The following PMEPA1 variants were observed in gnomAD, a reference collection of about 807,000 sequenced individuals.
The protein encoded by PMEPA1 is prostate transmembrane protein, androgen induced 1, also known as protein TMEPAI.
Under a neutral mutation model 23.0 loss-of-function variants are expected in PMEPA1, and 11 were observed. The ratio of observed to expected loss-of-function variants is 0.48; its 90% CI spans 0.30 to 0.79. The LOEUF is 0.79. Ranked by LOEUF, PMEPA1 falls within the 30% of genes least tolerant of loss-of-function variation. The pLI is 0.06. For missense variants in PMEPA1, 377 were observed against 390.9 expected, an observed-to-expected ratio of 0.96 and a Z score of 0.30; for synonymous variants, 204 against 166.4, an observed-to-expected ratio of 1.23 and a Z score of -1.74.
intron 1 of PMEPA1, among the ~76,000 whole-genome samples, chr20:57,684,289 G>A (rs942775938): frequency 6.6e-6 from 1 of 151,830 alleles, no homozygotes; most frequent in Non-Finnish European, 1.5e-5. Flanking sequence ...GGAGTTAGGG[G>A]TCTAGCTGGG....
At chr20:57,659,798 G>T in intron 1 of PMEPA1, 101 bp from the exon 2 acceptor site, 2 of 1,112,284 alleles carry the variant, frequency 1.8e-6, no homozygotes, top group Non-Finnish European at 2.6e-6. Flanking sequence ...AGGGGGACGA[G>T]AGTGCAACCC....
intron 1 of PMEPA1, among the ~76,000 whole-genome samples, chr20:57,703,438 T>C (rs2072037876): frequency 6.6e-6 from 1 of 152,222 alleles, no homozygotes; most frequent in Non-Finnish European, 1.5e-5. Flanking sequence ...CAGGGCGGTG[T>C]TGACCTCACG....
intron 1 of PMEPA1, among the ~76,000 whole-genome samples, chr20:57,705,769 G>GAA (rs2072074943): frequency 1.1e-4 from 17 of 152,228 alleles, no homozygotes; most frequent in Admixed American, 1.1e-3. Flanking sequence ...TCAGTAGGGG[G>GAA]CATTTGACCA....
At chr20:57,690,056 G>A (rs1029936520) in intron 1 of PMEPA1, among the ~76,000 whole-genome samples, 8 of 152,228 alleles carry the variant, frequency 5.3e-5, no homozygotes, top group East Asian at 1.9e-4. Context: ...AGGAACTGTC[G>A]GTGTCACCCC....
At chr20:57,696,482 G>A (rs907106901) in intron 1 of PMEPA1, among the ~76,000 whole-genome samples, 2 of 152,212 alleles carry the variant, frequency 1.3e-5, no homozygotes, top group Admixed American at 1.3e-4. Context: ...CCTGGCAGGT[G>A]ACTTAGCTCC....
intron 1 of PMEPA1, among the ~76,000 whole-genome samples, chr20:57,679,894 A>G (rs1038521950): frequency 7.9e-5 from 12 of 152,302 alleles, no homozygotes; most frequent in African/African-American, 2.9e-4. Context: ...AGGGCCAGAG[A>G]GGGGGAGGGA....
At chr20:57,705,766 G>A (rs111568037) in intron 1 of PMEPA1, among the ~76,000 whole-genome samples, 293 of 152,290 alleles carry the variant, frequency 1.9e-3, no homozygotes, top group African/African-American at 6.3e-3. Context: ...GTCTCAGTAG[G>A]GGGCATTTGA....
chr20:57,654,488 C>T (rs758654451), intron 2 of PMEPA1, among the ~76,000 whole-genome samples: 29 of 152,060 alleles, frequency 1.9e-4, no homozygotes, highest in Non-Finnish European at 3.1e-4. Context: ...AAAACTGTCC[C>T]GTCAGGACCG....
chr20:57,675,605 G>A (rs1455247049), intron 1 of PMEPA1, among the ~76,000 whole-genome samples: 1 of 152,138 alleles, frequency 6.6e-6, no homozygotes, highest in Non-Finnish European at 1.5e-5. Context: ...TCTAGGAAAT[G>A]CTGCTGGCCA....
rs759328875 is a variant in PMEPA1, at chr20:57,652,437, G to A, written c.480C>T (p.Pro160=). 6.2e-7 allele frequency: 1 copy of A among 1,613,590 alleles called. No individual in the cohort carries two copies. Among genetic ancestry groups the A allele is most frequent in the East Asian group, 2.2e-5 (1 of 44,846 alleles). ...GCTGGAGGGTGCAGGGGCCCTGGTA[G>A]GGTGGGGGCTCCTCCCCGTCTGACA... ...ISLSDGEEPP[P]YQGPCTLQLR... Residue 160 remains proline (P), a synonymous_variant, in exon 4 of 4, where the codon CCC becomes CCT. Coordinates refer to ENST00000341744, the MANE Select transcript of PMEPA1 (RefSeq NM_020182.5). This position sits in a 1 kb window ranked among gnomAD's most constrained non-coding sequence, Gnocchi z 6.1.
intron 1 of PMEPA1, among the ~76,000 whole-genome samples, chr20:57,667,730 C>T (rs770474764): frequency 2.0e-5 from 3 of 152,210 alleles, no homozygotes; most frequent in Non-Finnish European, 4.4e-5. Context: ...GGATGAGACC[C>T]GCCTGGCGGG....
chr20:57,653,291 G>A (rs1446778847), intron 2 of PMEPA1, among the ~76,000 whole-genome samples: 3 of 152,152 alleles, frequency 2.0e-5, no homozygotes, highest in Non-Finnish European at 4.4e-5. Flanking sequence ...ACTGATCCCT[G>A]AGGTGCCCTC....
intron 2 of PMEPA1, among the ~76,000 whole-genome samples, chr20:57,653,552 G>A (rs1158602060): frequency 6.6e-6 from 1 of 152,238 alleles, no homozygotes; most frequent in Non-Finnish European, 1.5e-5. Context: ...TGAGATTACA[G>A]TACTTGCCTC....
chr20:57,678,558 C>T (rs540251447), intron 1 of PMEPA1, among the ~76,000 whole-genome samples: 19 of 152,294 alleles, frequency 1.2e-4, no homozygotes, highest in Admixed American at 7.8e-4. Flanking sequence ...TTCCCTCTCT[C>T]GCAGCCTCCC....
At chr20:57,708,408 A>AC (rs1419890890) in intron 1 of PMEPA1, among the ~76,000 whole-genome samples, 1 of 152,218 alleles carries the variant, frequency 6.6e-6, no homozygotes, top group Non-Finnish European at 1.5e-5. Flanking sequence ...TAGTGGTTCA[A>AC]TTCTCCACTC....
upstream of PMEPA1, chr20:57,710,246 G>T (rs1441761523): frequency 8.7e-6 from 5 of 572,874 alleles, no homozygotes; most frequent in Non-Finnish European, 1.4e-5. Flanking sequence ...GGTCAGCTTG[G>T]AACGCCTGCC....
At chr20:57,694,081 C>A (rs151062301) in intron 1 of PMEPA1, among the ~76,000 whole-genome samples, 1 of 152,236 alleles carries the variant, frequency 6.6e-6, no homozygotes, top group Non-Finnish European at 1.5e-5. Flanking sequence ...TTCCTGGGGG[C>A]AACATGACCC....
chr20:57,690,169 C>A (rs1205854536), intron 1 of PMEPA1, among the ~76,000 whole-genome samples: 3 of 152,236 alleles, frequency 2.0e-5, no homozygotes, highest in Admixed American at 2.0e-4. Context: ...CCATGTGGAA[C>A]CCTCCCTGCC....
In PMEPA1 at chr20:57,704,849, G is replaced by A. The variant is rs557500831; in HGVS notation, c.109+4625C>T. Among the ~76,000 whole-genome samples, 2 of 152,314 alleles carry A rather than the reference G, an allele frequency of 1.3e-5. No homozygotes were observed. The highest frequency in any genetic ancestry group is 1.3e-4 in the Admixed American group (2 of 15,306). ...TGGCGGGTGCATCTTGCAGCATGGA[G>A]GCTTCCTTGGGGCTCCTGAGGGAGG... On this transcript the variant is annotated intron_variant, in intron 1 of 3. Coordinates refer to ENST00000341744, the MANE Select transcript of PMEPA1 (RefSeq NM_020182.5). The surrounding 1 kb of genome is among the most constrained non-coding windows in gnomAD (Gnocchi z 4.6).
Sources: gnomAD v4.1 joint callset for allele counts (sites outside exome capture counted in the v4.1 genomes callset) on GRCh38, gnomAD v4.1.1 for gene constraint, Gnocchi (gnomAD v3.1) non-coding constraint, MANE v1.5 for transcripts, NCBI Gene and HGNC (gene_info 2026-07-23, HGNC 2026-07-21) for gene names.